The following PALLD variants were observed in gnomAD, a reference collection of about 807,000 sequenced individuals.
The protein encoded by PALLD is palladin, cytoskeletal associated protein, also known as palladin.
A neutral mutation model predicts 123.5 loss-of-function variants in PALLD; 61 were observed. That is an observed-to-expected ratio of 0.49 (90% CI 0.40 to 0.61). The LOEUF is 0.61. PALLD is among the 20% of genes least tolerant of loss of function. The pLI, the probability that PALLD is intolerant of heterozygous loss-of-function variation, is 0.00. For synonymous variants in PALLD, 465 were observed against 496.4 expected (o/e 0.94, Z 0.84); for missense variants, 1,273 against 1,377.0 (o/e 0.92, Z 1.20).
intron 2 of PALLD, among the ~76,000 whole-genome samples, chr4:168,563,266 A>G: frequency 6.6e-6 from 1 of 152,204 alleles, no homozygotes; most frequent in Admixed American, 6.5e-5. Flanking sequence ...GTTGTACGTA[A>G]GAATCTGGAG....
chr4:168,670,465 G>A (rs1048754014), intron 3 of PALLD, among the ~76,000 whole-genome samples: 6 of 152,056 alleles, frequency 3.9e-5, no homozygotes, highest in African/African-American at 1.4e-4. Context: ...CGGGCGCGGT[G>A]GCTCACGCCT....
chr4:168,600,002 CGTAT>C (rs75677705), intron 2 of PALLD, among the ~76,000 whole-genome samples: 9,637 of 130,470 alleles, frequency 0.074, 495 homozygotes, highest in Non-Finnish European at 0.11. Context: ...TATACACACA[CGTAT>C]ATACATACAT....
rs559940739 is a variant in PALLD, at chr4:168,725,548, A to T, written c.1964+13625A>T. On this transcript the variant is annotated intron_variant, in intron 10 of 21. Coordinates refer to ENST00000505667, the MANE Select transcript of PALLD (RefSeq NM_001166108.2). The stretch of plus-strand genomic sequence containing the variant: ...TTTTTTTTTTTTTTTTTTTTTTGAG[A>T]TGGAGTCTTGCTCTGTTGCCCAGGC... Among the ~76,000 whole-genome samples the T allele has an allele frequency of 3.3e-3, 320 of 97,418 alleles. 1 individual carries two copies. The highest frequency in any genetic ancestry group is 5.3e-3 in the Non-Finnish European group (277 of 52,606). 63.9% of individuals were successfully genotyped at this position (97,418 alleles called of 152,430 possible).
At chr4:168,777,089 G>C (rs949758315) in intron 10 of PALLD, among the ~76,000 whole-genome samples, 4 of 151,350 alleles carry the variant, frequency 2.6e-5, no homozygotes, top group African/African-American at 4.9e-5. Context: ...CACACACACA[G>C]AGGCACACAC....
chr4:168,746,380 CAAAAAAAAAAAAAA>C lies in PALLD; in HGVS notation c.1964+34474_1964+34487del, dbSNP rs747755592. Among the ~76,000 whole-genome samples, 35 of 37,024 alleles carry C rather than the reference CAAAAAAAAAAAAAA, an allele frequency of 9.5e-4. 2 individuals are homozygous for C. In the South Asian group the frequency reaches 0.076, roughly 81 times the overall value. 24.3% of individuals were successfully genotyped at this position (37,024 alleles called of 152,430 possible). ...TGGGCGACAGAGCGAGAACCCGTCT[CAAAAAAAAAAAAAA>C]AAAAAAAAAAAAAAAAGAGGAGGGA... On this transcript the variant is annotated intron_variant, in intron 10 of 21. Transcript: ENST00000505667.
At position 168,928,259 on chromosome 4, in the gene PALLD, CT is replaced by C; in HGVS notation, c.*2086del. ...CTTGCCAAATTTTTCTGAATGTGAC[CT>C]TTTTTTGCTGATTTGCTGGGTTTGG... On this transcript the variant is annotated 3_prime_UTR_variant, in exon 22 of 22. Coordinates refer to ENST00000505667, the MANE Select transcript of PALLD (RefSeq NM_001166108.2). 3 of 182,526 alleles carry C rather than the reference CT, an allele frequency of 1.6e-5. No homozygotes were observed. The highest frequency in any genetic ancestry group is 2.3e-5 in the Non-Finnish European group (2 of 85,522). The allele number at this position is 182,526 out of a possible 1,614,324, so 11.3% of individuals were successfully genotyped here. A position where few individuals can be genotyped will look rare whatever the true frequency, so the allele number is the denominator to read the frequency against.
chr4:168,736,099 C>A (rs1457087672), intron 10 of PALLD, among the ~76,000 whole-genome samples: 1 of 152,216 alleles, frequency 6.6e-6, no homozygotes, highest in East Asian at 1.9e-4. Flanking sequence ...GGCAGCAATG[C>A]AAAGTCTTCC....
intron 11 of PALLD, chr4:168,894,071 G>GTTTACACATACTGTTT (rs1460374489): frequency 1.1e-5 from 2 of 179,884 alleles, no homozygotes; most frequent in Non-Finnish European, 2.4e-5. Context: ...AACATTTACT[G>GTTTACACATACTGTTT]AGCACATACT....
chr4:168,588,136 G>A lies in PALLD; in HGVS notation c.908+75724G>A, dbSNP rs539150657. On this transcript the variant is annotated intron_variant, in intron 2 of 21. Transcript: ENST00000505667. ...TCCTCTCAGCAGTTTGTGAGATTGAGAGCCACTGCTCTGCTTTTCTTCTCC... is the reference window on the plus strand; with the variant it reads ...TCCTCTCAGCAGTTTGTGAGATTGAAAGCCACTGCTCTGCTTTTCTTCTCC... 4.6e-5 allele frequency among the ~76,000 whole-genome samples: 7 copies of A among 152,266 alleles called. No homozygotes were observed. The South Asian group carries it at 1.2e-3, about 27-fold the overall frequency.
chr4:168,599,465 T>G (rs993664887), intron 2 of PALLD, among the ~76,000 whole-genome samples: 5 of 152,164 alleles, frequency 3.3e-5, no homozygotes, highest in African/African-American at 1.2e-4. Flanking sequence ...AGATAGACTG[T>G]CACAGACAAA....
rs151291059 is a variant in PALLD, at chr4:168,602,084, T to C, written c.909-66106T>C. On this transcript the variant is annotated intron_variant, in intron 2 of 21. Transcript: ENST00000505667. ...CCGGTGAGTCTGCAGATATTAATGT[T>C]TGAGTCAGACAGTTGGTCTGGCCAG... Among the ~76,000 whole-genome samples the C allele has an allele frequency of 5.2e-3, 797 of 152,308 alleles. 7 individuals carry two copies. The highest frequency in any genetic ancestry group is 0.018 in the African/African-American group (753 of 41,576).
chr4:168,605,812 A>G (rs1159336433), intron 2 of PALLD, among the ~76,000 whole-genome samples: 1 of 152,238 alleles, frequency 6.6e-6, no homozygotes, highest in East Asian at 1.9e-4. Flanking sequence ...AAGTAGTGTA[A>G]AAGATATTAT....
chr4:168,898,880 T>A (rs1755837916), intron 14 of PALLD, among the ~76,000 whole-genome samples, 166 bp downstream of exon 14: 1 of 152,160 alleles, frequency 6.6e-6, no homozygotes, highest in African/African-American at 2.4e-5. Context: ...TCAGGAGGCA[T>A]TAGAAACCAA....
At chr4:168,853,482 C>T (rs985562011) in intron 10 of PALLD, among the ~76,000 whole-genome samples, 12 of 151,906 alleles carry the variant, frequency 7.9e-5, no homozygotes, top group African/African-American at 1.9e-4. Context: ...GCAGATGCTG[C>T]GAAAAAAATG....
chr4:168,710,808 C>A (rs1374764520), intron 9 of PALLD, among the ~76,000 whole-genome samples: 1 of 152,170 alleles, frequency 6.6e-6, no homozygotes, highest in Non-Finnish European at 1.5e-5. Context: ...AAACCCTGGG[C>A]TCTATAAGTC....
At chr4:168,922,856 G>T (rs1393348664) in intron 18 of PALLD, among the ~76,000 whole-genome samples, 1 of 152,186 alleles carries the variant, frequency 6.6e-6, no homozygotes, top group African/African-American at 2.4e-5. Flanking sequence ...TGGCACTCCT[G>T]TCAGAAGACG....
At chr4:168,866,983 A>G (rs1750380574) in intron 10 of PALLD, among the ~76,000 whole-genome samples, 1 of 152,210 alleles carries the variant, frequency 6.6e-6, no homozygotes, top group Admixed American at 6.5e-5. Context: ...CGCATTGCAC[A>G]TGGTAAATAT....
chr4:168,884,217 A>G (rs1164782975), intron 10 of PALLD, among the ~76,000 whole-genome samples: 1 of 152,018 alleles, frequency 6.6e-6, no homozygotes, highest in Non-Finnish European at 1.5e-5. Context: ...TGCTACCCCT[A>G]AACCCTGTCC....
chr4:168,536,178 G>C (rs957856447), intron 2 of PALLD, among the ~76,000 whole-genome samples: 1 of 152,068 alleles, frequency 6.6e-6, no homozygotes, highest in Non-Finnish European at 1.5e-5. Flanking sequence ...TCTCCCAAAA[G>C]ACCCCTGACT....
Sources: allele counts gnomAD v4.1 joint callset (sites outside exome capture counted in the v4.1 genomes callset), GRCh38; gene constraint gnomAD v4.1.1; transcripts MANE v1.5; gene names NCBI Gene and HGNC (gene_info 2026-07-23, HGNC 2026-07-21).